Variants in MVB12B observed in about 807,000 individuals in gnomAD.
The protein encoded by MVB12B is multivesicular body subunit 12B, also known as ESCRT-I complex subunit MVB12B.
In MVB12B, 16 loss-of-function variants were observed where a neutral mutation model predicts 41.6. The ratio of observed to expected loss-of-function variants is 0.38; its 90% CI spans 0.26 to 0.58. The LOEUF (loss-of-function observed/expected upper bound fraction) is 0.58, where lower values mean the gene tolerates loss of function less well. Ranked by LOEUF, MVB12B falls within the 20% of genes least tolerant of loss-of-function variation. The probability of loss-of-function intolerance (pLI) is 0.62; values close to 1 mark genes in which losing one functional copy is unlikely to be tolerated. For missense variants in MVB12B, 274 were observed against 380.2 expected (o/e 0.72, Z 2.32); for synonymous variants, 133 against 139.7 (o/e 0.95, Z 0.34).
intron 7 of MVB12B, among the ~76,000 whole-genome samples, chr9:126,467,567 A>T (rs2052157): frequency 0.13 from 19,749 of 152,234 alleles, 1,810 homozygotes; most frequent in East Asian, 0.44. Context: ...ATTGATTTTT[A>T]TAACTCTGCC....
chr9:126,373,593 A>G (rs1223308764), intron 2 of MVB12B, among the ~76,000 whole-genome samples: 1 of 152,218 alleles, frequency 6.6e-6, no homozygotes, highest in Non-Finnish European at 1.5e-5. Flanking sequence ...GTGTAAACAG[A>G]TTGATGAAAT....
intron 6 of MVB12B, chr9:126,396,751 G>C: frequency 1.0e-6 from 1 of 985,480 alleles, no homozygotes; most frequent in African/African-American, 1.7e-5. Context: ...ACCAAGAGTG[G>C]TATTTAAACT....
intron 2 of MVB12B, among the ~76,000 whole-genome samples, chr9:126,360,246 T>TA (rs1156943537): frequency 6.6e-6 from 1 of 152,244 alleles, no homozygotes; most frequent in East Asian, 1.9e-4. Context: ...ATGTTTCTGT[T>TA]ACTAAGAATA....
chr9:126,374,064 T>C (rs563430018), intron 2 of MVB12B, among the ~76,000 whole-genome samples: 1 of 152,354 alleles, frequency 6.6e-6, no homozygotes, highest in East Asian at 1.9e-4. Context: ...GTGTACAAAG[T>C]TGTTTCAAAT....
chr9:126,332,177 C>T (rs958452462), intron 1 of MVB12B, among the ~76,000 whole-genome samples: 4 of 152,106 alleles, frequency 2.6e-5, no homozygotes, highest in African/African-American at 9.7e-5. Context: ...TCACACACCC[C>T]CGTCTTTCAG....
At chr9:126,388,291 G>A (rs964771774) in intron 4 of MVB12B, among the ~76,000 whole-genome samples, 9 of 152,140 alleles carry the variant, frequency 5.9e-5, no homozygotes, top group African/African-American at 2.2e-4. Flanking sequence ...ATCATACAGC[G>A]TGTGGTCTTT....
At chr9:126,400,823 T>C (rs1831246946) in intron 6 of MVB12B, among the ~76,000 whole-genome samples, 1 of 152,122 alleles carries the variant, frequency 6.6e-6, no homozygotes, top group Non-Finnish European at 1.5e-5. Flanking sequence ...GGCCCTCCCT[T>C]GGTGATGCGG....
chr9:126,373,866 A>G (rs573155425), intron 2 of MVB12B, among the ~76,000 whole-genome samples: 1 of 152,356 alleles, frequency 6.6e-6, no homozygotes, highest in East Asian at 1.9e-4. Flanking sequence ...CAGGGGAAAA[A>G]AAAGAACATT....
intron 7 of MVB12B, among the ~76,000 whole-genome samples, chr9:126,455,609 T>A (rs1832965754): frequency 6.6e-6 from 1 of 152,046 alleles, no homozygotes; most frequent in African/African-American, 2.4e-5. Flanking sequence ...CCCAGCCTCC[T>A]GAGAAACTGG....
chr9:126,497,260 C>T (rs143346811), intron 9 of MVB12B, among the ~76,000 whole-genome samples: 200 of 152,170 alleles, frequency 1.3e-3, no homozygotes, highest in Non-Finnish European at 2.3e-3. Flanking sequence ...TGAGACCCCC[C>T]AGCTGGATCT....
Position 126,503,127 on chromosome 9 carries a change from T to A in MVB12B, c.874-50T>A, listed in dbSNP as rs112277604. On this transcript the variant is annotated intron_variant, in intron 9 of 9. Transcript: ENST00000361171. ...ATCTGAGGCTGTGGAGGGGTTTCCC[T>A]AGTGTCCCATGGACTGACTGTGTCT... 1.4e-5 allele frequency: 21 copies of A among 1,463,486 alleles called. No individual in the cohort carries two copies. The African/African-American group carries it at 2.5e-4, about 18-fold the overall frequency. 90.7% of individuals were successfully genotyped at this position (1,463,486 alleles called of 1,614,324 possible).
At chr9:126,344,513 C>T (rs562904327) in intron 2 of MVB12B, among the ~76,000 whole-genome samples, 9 of 152,344 alleles carry the variant, frequency 5.9e-5, no homozygotes, top group South Asian at 4.1e-4. Flanking sequence ...TACCACATGG[C>T]GCCTTTTTTG....
chr9:126,380,673 C>T (rs1291404070), intron 2 of MVB12B, among the ~76,000 whole-genome samples: 3 of 152,200 alleles, frequency 2.0e-5, no homozygotes, highest in African/African-American at 7.2e-5. Context: ...CCGCAGGCAG[C>T]GCCCCCTCAG....
chr9:126,401,061 C>T (rs1278521695), intron 6 of MVB12B, among the ~76,000 whole-genome samples: 3 of 152,224 alleles, frequency 2.0e-5, no homozygotes, highest in Non-Finnish European at 4.4e-5. Context: ...GCTGTCCTCA[C>T]CATGGTCCTG....
At chr9:126,428,137 GA>G (rs1364515557) in intron 7 of MVB12B, among the ~76,000 whole-genome samples, 1 of 152,136 alleles carries the variant, frequency 6.6e-6, no homozygotes, top group Non-Finnish European at 1.5e-5. Context: ...TGTACAGAGA[GA>G]AGGAGGATTT....
rs563748558 is a variant in MVB12B, at chr9:126,465,017, G to C, written c.758-16352G>C. The stretch of plus-strand genomic sequence containing the variant: ...CATCCAAGACACCTTCTCTCTTCTT[G>C]CCCTTTGGTTTCAGGGGAGGAAAGG... On this transcript the variant is annotated intron_variant, in intron 7 of 9. Transcript: ENST00000361171. Among the ~76,000 whole-genome samples the C allele has an allele frequency of 4.6e-5, 7 of 152,266 alleles. No individual in the cohort carries two copies. In the South Asian group the frequency reaches 1.5e-3, roughly 32 times the overall value.
At chr9:126,411,036 C>T (rs570707731) in intron 6 of MVB12B, among the ~76,000 whole-genome samples, 4 of 152,098 alleles carry the variant, frequency 2.6e-5, no homozygotes, top group Non-Finnish European at 5.9e-5. Flanking sequence ...TACAGGCACA[C>T]GCCACCACGC....
intron 8 of MVB12B, among the ~76,000 whole-genome samples, chr9:126,482,163 A>C (rs950843307): frequency 6.9e-6 from 1 of 144,242 alleles, no homozygotes; most frequent in African/African-American, 2.5e-5. Flanking sequence ...CAGCCCTCCA[A>C]TGGCGCCAGC....
At chr9:126,335,653 C>G (rs1829252846) in intron 1 of MVB12B, among the ~76,000 whole-genome samples, 1 of 152,250 alleles carries the variant, frequency 6.6e-6, no homozygotes. Flanking sequence ...AAGGCCGGAG[C>G]AGCAGCTTTT....
Sources: gnomAD v4.1 joint callset for allele counts (sites outside exome capture counted in the v4.1 genomes callset) on GRCh38, gnomAD v4.1.1 for gene constraint, MANE v1.5 for transcripts, NCBI Gene and HGNC (gene_info 2026-07-23, HGNC 2026-07-21) for gene names.